The following CCDC171 variants were observed in gnomAD, a reference collection of about 807,000 sequenced individuals.
CCDC171 encodes the protein coiled-coil domain containing 171.
A neutral mutation model predicts 168.2 loss-of-function variants in CCDC171; 177 were observed. The ratio of observed to expected loss-of-function variants is 1.05; its 90% CI spans 0.93 to 1.19. CCDC171 has a LOEUF of 1.19. CCDC171 is among the 50% of genes most tolerant of loss of function. The pLI is 0.00. For missense variants in CCDC171, 1,991 were observed against 1,539.0 expected (o/e 1.29, Z -4.91); for synonymous variants, 687 against 540.8 (o/e 1.27, Z -3.75).
chr9:15,896,743 T>A (rs886462246), intron 24 of CCDC171, among the ~76,000 whole-genome samples: 2 of 152,088 alleles, frequency 1.3e-5, no homozygotes, highest in African/African-American at 4.8e-5. Flanking sequence ...TAGTTACACA[T>A]TGTTTTTACC....
intron 21 of CCDC171, among the ~76,000 whole-genome samples, chr9:15,802,916 CTGT>C (rs1563763650): frequency 6.6e-6 from 1 of 152,056 alleles, no homozygotes. Flanking sequence ...TTGCCAGCAT[CTGT>C]TGTTTTTTGA....
chr9:15,921,372 C>G (rs1383304226), intron 25 of CCDC171, among the ~76,000 whole-genome samples: 1 of 151,490 alleles, frequency 6.6e-6, no homozygotes, highest in East Asian at 1.9e-4. Flanking sequence ...GAAAAACTGT[C>G]TCTCTTTTGC....
At chr9:15,777,223 A>G (rs929351793) in intron 18 of CCDC171, among the ~76,000 whole-genome samples, 12 of 152,370 alleles carry the variant, frequency 7.9e-5, no homozygotes, top group African/African-American at 2.6e-4. Flanking sequence ...AAGGCAAATT[A>G]TATTTTCTTG....
intron 22 of CCDC171, 70 bp downstream of exon 22, chr9:15,846,917 G>A: frequency 7.1e-7 from 1 of 1,403,002 alleles, no homozygotes; most frequent in Non-Finnish European, 9.7e-7. Context: ...CATGCTCCGG[G>A]TTTTAGCCCT....
chr9:15,555,580 C>T (rs2038721481), intron 1 of CCDC171, among the ~76,000 whole-genome samples: 1 of 152,204 alleles, frequency 6.6e-6, no homozygotes, highest in African/African-American at 2.4e-5. Flanking sequence ...AATAGCAAGG[C>T]ACACAGCAGA....
intron 6 of CCDC171, among the ~76,000 whole-genome samples, chr9:16,027,653 C>T (rs1344088882): frequency 6.6e-6 from 1 of 152,120 alleles, no homozygotes; most frequent in Non-Finnish European, 1.5e-5. Context: ...GGCCCACTCG[C>T]CAAGCCTGGT....
chr9:16,050,996 A>G (rs534045117), intron 1 of CCDC171, among the ~76,000 whole-genome samples: 4 of 152,132 alleles, frequency 2.6e-5, no homozygotes, highest in Admixed American at 1.3e-4. Context: ...TATACTCATG[A>G]CTGTAGTTAG....
chr9:15,613,601 C>T (rs1564052609), intron 6 of CCDC171, among the ~76,000 whole-genome samples: 1 of 151,146 alleles, frequency 6.6e-6, no homozygotes, highest in East Asian at 2.0e-4. Flanking sequence ...TGGCTAACTG[C>T]AGCCTCCGCC....
At chr9:15,627,069 A>T (rs2045202090) in intron 7 of CCDC171, among the ~76,000 whole-genome samples, 2 of 152,130 alleles carry the variant, frequency 1.3e-5, no homozygotes, top group South Asian at 4.1e-4. Flanking sequence ...CGAGGAATTT[A>T]TCCATTTCTT....
intron 1 of CCDC171, among the ~76,000 whole-genome samples, chr9:15,556,792 GTT>G (rs1030166663): frequency 4.6e-5 from 7 of 152,000 alleles, no homozygotes; most frequent in African/African-American, 1.7e-4. Context: ...TGCTTTTGGT[GTT>G]TTAGTCATGA....
chr9:16,051,259 T>C (rs80277675), intron 1 of CCDC171, among the ~76,000 whole-genome samples: 1 of 152,202 alleles, frequency 6.6e-6, no homozygotes, highest in Non-Finnish European at 1.5e-5. Context: ...CATCCGTGTC[T>C]CTAATGATTC....
At chr9:15,605,651 C>G (rs779297585) in intron 6 of CCDC171, among the ~76,000 whole-genome samples, 35 of 149,244 alleles carry the variant, frequency 2.3e-4, no homozygotes, top group Non-Finnish European at 1.2e-4. Flanking sequence ...CGCACCACTG[C>G]ACTCCAGCCT....
chr9:15,695,135 A>G (rs941528429), intron 10 of CCDC171, 100 bp from the exon 11 acceptor site: 3 of 732,816 alleles, frequency 4.1e-6, no homozygotes, highest in Non-Finnish European at 7.2e-6. Flanking sequence ...TTTGAATGGA[A>G]TCATTATCTT....
At chr9:15,953,867 T>G (rs1013762246) in intron 25 of CCDC171, among the ~76,000 whole-genome samples, 18 of 152,082 alleles carry the variant, frequency 1.2e-4, no homozygotes, top group African/African-American at 4.3e-4. Context: ...TATAGATCTT[T>G]TCCTTTTTTT....
chr9:15,744,588 A>G lies in CCDC171; in HGVS notation c.2365A>G (p.Met789Val), dbSNP rs537324648. The G allele has an allele frequency of 1.5e-5, 25 of 1,614,226 alleles. No homozygotes were observed. In the African/African-American group the frequency reaches 3.2e-4, roughly 21 times the overall value. ...GGAAAAGAAGCAAGAGGAAGCCAAG[A>G]TGAAAAAGAAAACATTCAAAGGATT... Reference protein sequence around the residue: ...VEEKKQEEAKMKKKTFKGLIR... With the variant: ...VEEKKQEEAKVKKKTFKGLIR... Residue 789 changes from methionine (M) to valine (V), a missense_variant, in exon 17 of 26, where the codon ATG (methionine) becomes GTG (valine). Transcript: ENST00000380701.
chr9:15,920,408 G>T lies in CCDC171; in HGVS notation c.3739G>T (p.Ala1247Ser). 1 of 1,605,426 alleles carries T rather than the reference G, an allele frequency of 6.2e-7. No individual in the cohort carries two copies. ...ELHTACLRENASLQSIGSRDH... is the reference protein window; with the variant it reads ...ELHTACLRENSSLQSIGSRDH... ...TCACACAGCTTGTTTACGTGAAAAT[G>T]CAAGTTTACAATCAGTAAGTCCTTG... The change falls in exon 25 of 26, where the codon GCA (alanine) becomes TCA (serine). Residue 1247 changes from alanine (A) to serine (S), a missense_variant. Transcript: ENST00000380701.
At chr9:15,869,969 C>T (rs2061964804) in intron 23 of CCDC171, among the ~76,000 whole-genome samples, 1 of 151,706 alleles carries the variant, frequency 6.6e-6, no homozygotes, top group South Asian at 2.1e-4. Context: ...CAGGGGATGA[C>T]CAAGTTTTTC....
intron 16 of CCDC171, among the ~76,000 whole-genome samples, chr9:15,731,497 C>G (rs1260244171): frequency 6.6e-6 from 1 of 152,100 alleles, no homozygotes; most frequent in East Asian, 1.9e-4. Flanking sequence ...TATTAATGTT[C>G]CGAGCATAAT....
chr9:15,589,982 G>A (rs551541387), intron 4 of CCDC171, among the ~76,000 whole-genome samples: 105 of 152,274 alleles, frequency 6.9e-4, no homozygotes, highest in African/African-American at 2.2e-3. Context: ...GATTGAAAGA[G>A]TCTATTGAAT....
Sources: gnomAD v4.1 joint callset for allele counts (sites outside exome capture counted in the v4.1 genomes callset) on GRCh38, gnomAD v4.1.1 for gene constraint, MANE v1.5 for transcripts, NCBI Gene and HGNC (gene_info 2026-07-23, HGNC 2026-07-21) for gene names.